GNE: variants seen among roughly 807,000 people sequenced by gnomAD.
GNE encodes the protein bifunctional UDP-N-acetylglucosamine 2-epimerase/N-acetylmannosamine kinase.
Under a neutral mutation model 61.8 loss-of-function variants are expected in GNE, and 41 were observed. That is an observed-to-expected ratio of 0.66 (90% CI 0.52 to 0.86). GNE has a LOEUF of 0.86. Among genes scored for constraint, GNE ranks in the 40% least tolerant of loss-of-function variants. The probability of loss-of-function intolerance (pLI) is 0.00; values close to 1 mark genes in which losing one functional copy is unlikely to be tolerated. For missense variants in GNE, 608 were observed against 909.1 expected (o/e 0.67, Z 4.26); for synonymous variants, 264 against 326.4 (o/e 0.81, Z 2.06).
intron 1 of GNE, among the ~76,000 whole-genome samples, chr9:36,269,165 G>T (rs766594470): frequency 2.2e-4 from 33 of 149,710 alleles, no homozygotes; most frequent in Non-Finnish European, 4.0e-4. Context: ...TGAACATAAG[G>T]CCTCAACCTC....
At chr9:36,235,321 C>T (rs1055521440) in intron 4 of GNE, among the ~76,000 whole-genome samples, 1 of 152,142 alleles carries the variant, frequency 6.6e-6, no homozygotes, top group Non-Finnish European at 1.5e-5. Context: ...AATCCATTTT[C>T]CGGAGGGAGT....
chr9:36,231,130 A>AGAAG (rs71336432), intron 5 of GNE, among the ~76,000 whole-genome samples: 1 of 150,946 alleles, frequency 6.6e-6, no homozygotes, highest in Non-Finnish European at 1.5e-5. Flanking sequence ...AGACAATGAA[A>AGAAG]GAAGGAAGGA....
chr9:36,255,671 A>T (rs768928401), intron 1 of GNE, among the ~76,000 whole-genome samples: 10 of 152,164 alleles, frequency 6.6e-5, no homozygotes, highest in Non-Finnish European at 8.8e-5. Flanking sequence ...AAAACAAGCA[A>T]TCTTTTAAAT....
chr9:36,233,446 C>T (rs1478058524), intron 5 of GNE, among the ~76,000 whole-genome samples: 1 of 152,142 alleles, frequency 6.6e-6, no homozygotes, highest in South Asian at 2.1e-4. Context: ...GTGGGCGGAT[C>T]ACGAGGTCAG....
At chr9:36,252,995 C>T (rs1587354788) in intron 1 of GNE, among the ~76,000 whole-genome samples, 2 of 152,088 alleles carry the variant, frequency 1.3e-5, no homozygotes, top group African/African-American at 2.4e-5. Context: ...CCCATCTCTA[C>T]TAAACATACA....
rs575403973 is a variant in GNE, at chr9:36,222,190, G to A, written c.1633+587C>T. On this transcript the variant is annotated intron_variant, in intron 9 of 11. Coordinates refer to ENST00000642385, the MANE Select transcript of GNE (RefSeq NM_005476.7). Reference sequence around the variant, plus strand: ...TCCCAGCACTTTGGGAGGCCGAGGCGGGCGGATCACGAGGTCAGGAGATCG... The same window carrying A: ...TCCCAGCACTTTGGGAGGCCGAGGCAGGCGGATCACGAGGTCAGGAGATCG... 9.7e-4 allele frequency among the ~76,000 whole-genome samples: 148 copies of A among 152,028 alleles called. 1 individual carries two copies. The highest frequency in any genetic ancestry group is 5.2e-3 in the East Asian group (27 of 5,166).
At chr9:36,266,132 T>A (rs1339143007) in intron 1 of GNE, among the ~76,000 whole-genome samples, 2 of 152,076 alleles carry the variant, frequency 1.3e-5, no homozygotes, top group Non-Finnish European at 2.9e-5. Flanking sequence ...GGTTTCATCA[T>A]GTTGGCCAGG....
At chr9:36,274,068 C>CTCTG (rs1831150754) in intron 1 of GNE, among the ~76,000 whole-genome samples, 1 of 142,222 alleles carries the variant, frequency 7.0e-6, no homozygotes, top group South Asian at 2.4e-4. Flanking sequence ...GTCTATGGTA[C>CTCTG]TGTGTGTGTG....
rs376196474 is a variant in GNE at position 36,229,124 on chromosome 9, G to A, written c.983-16C>T. The A allele has an allele frequency of 7.1e-7, 1 of 1,414,126 alleles. No individual in the cohort carries two copies. Among genetic ancestry groups the A allele is most frequent in the East Asian group, 2.3e-5 (1 of 43,982 alleles). 87.6% of individuals were successfully genotyped at this position (1,414,126 alleles called of 1,614,324 possible). ...ACATTCTCCCCTAGGTAAAACCAGT[G>A]ACACATTACAAGGATTTGGAAGTGG... On this transcript the variant is annotated splice_polypyrimidine_tract_variant and intron_variant, in intron 5 of 11. Coordinates refer to ENST00000642385, the MANE Select transcript of GNE (RefSeq NM_005476.7).
In GNE at chr9:36,246,256, G is replaced by C. The variant is rs1490012374; in HGVS notation, c.391C>G (p.Leu131Val). The C allele has an allele frequency of 3.7e-6, 6 of 1,614,148 alleles. No homozygotes were observed. The highest frequency in any genetic ancestry group is 5.1e-6 in the Non-Finnish European group (6 of 1,180,002). Residue 131 changes from leucine to valine, a missense_variant, in exon 3 of 12, where the codon CTT becomes GTT. Leu to Val is a conservative substitution (Grantham distance 32, BLOSUM62 1). Transcript: ENST00000642385. ...CTGACTTCCCCACCTTCAATGTGAA[G>C]GATTCGGATGTTCATCAAGGCAGCA... is the stretch of plus-strand genomic sequence containing the variant. ...TSAALMNIRI[L>V]HIEGGEVSGT...
At chr9:36,233,440 G>A (rs1829257416) in intron 5 of GNE, among the ~76,000 whole-genome samples, 1 of 152,178 alleles carries the variant, frequency 6.6e-6, no homozygotes, top group Admixed American at 6.5e-5. Flanking sequence ...GCCGAGGTGG[G>A]CGGATCACGA....
At chr9:36,256,103 T>C (rs1830321344) in intron 1 of GNE, among the ~76,000 whole-genome samples, 1 of 152,000 alleles carries the variant, frequency 6.6e-6, no homozygotes, top group Admixed American at 6.6e-5. Flanking sequence ...TTTTTTGTAT[T>C]TTTAGTAGAG....
At position 36,276,902 on chromosome 9, in the gene GNE, C is replaced by G. The variant is rs762425552; in HGVS notation, c.43G>C (p.Gly15Arg). 5.0e-6 allele frequency: 8 copies of G among 1,611,176 alleles called. No homozygotes were observed. The African/African-American group carries it at 8.0e-5, about 16-fold the overall frequency. ...AATTCCGAATTACTTACATGAGGTC[C>G]TTGAAAGCATGACTCCCTCTGCAGA... is the stretch of plus-strand genomic sequence containing the variant. The change falls in exon 1 of 12, where the codon GGA (glycine) becomes CGA (arginine). Residue 15 changes from glycine to arginine, a missense_variant. Physicochemically the swap from Gly to Arg is moderately radical, Grantham distance 125. Coordinates refer to the GNE transcript ENST00000396594.
upstream of GNE, among the ~76,000 whole-genome samples, chr9:36,261,217 T>A (rs551771066): frequency 3.3e-4 from 50 of 152,278 alleles, no homozygotes; most frequent in Non-Finnish European, 5.7e-4. Context: ...ATCTGCAAAG[T>A]CCCTCTTGCC....
chr9:36,265,840 C>A (rs1830762063), intron 1 of GNE, among the ~76,000 whole-genome samples: 2 of 152,182 alleles, frequency 1.3e-5, no homozygotes, highest in South Asian at 4.1e-4. Context: ...GAATCTGATG[C>A]CACCACTGTT....
At chr9:36,260,885 A>AAAAAAC, upstream of GNE, among the ~76,000 whole-genome samples, 1 of 150,172 alleles carries the variant, frequency 6.7e-6, no homozygotes, top group East Asian at 2.0e-4. Context: ...AAAAAAAAAA[A>AAAAAAC]AAAAAAAAAA....
chr9:36,262,265 A>C (rs1452913250), upstream of GNE, among the ~76,000 whole-genome samples: 2 of 152,196 alleles, frequency 1.3e-5, no homozygotes, highest in East Asian at 3.8e-4. Flanking sequence ...GCACTTTCTA[A>C]GCCACCTGCA....
chr9:36,228,245 C>G (rs946117363), intron 6 of GNE, among the ~76,000 whole-genome samples: 1 of 151,694 alleles, frequency 6.6e-6, no homozygotes, highest in Non-Finnish European at 1.5e-5. Flanking sequence ...AACATTGTAA[C>G]TAAGTGCCTG....
chr9:36,265,435 G>T (rs1361051516), intron 1 of GNE: 1 of 456,556 alleles, frequency 2.2e-6, no homozygotes, highest in African/African-American at 2.0e-5. Context: ...ATGGAAGGGA[G>T]TCAAGGATGT....
Sources: gnomAD v4.1 joint callset for allele counts (sites outside exome capture counted in the v4.1 genomes callset) on GRCh38, gnomAD v4.1.1 for gene constraint, MANE v1.5 for transcripts, NCBI Gene and HGNC (gene_info 2026-07-23, HGNC 2026-07-21) for gene names.